FAM135B: variants seen among roughly 807,000 people sequenced by gnomAD.
The protein encoded by FAM135B is protein FAM135B.
FAM135B carries 43 observed loss-of-function variants against 127.7 expected under a neutral mutation model. That is an observed-to-expected ratio of 0.34 (90% CI 0.26 to 0.43). The LOEUF (loss-of-function observed/expected upper bound fraction) is 0.43. Ranked by LOEUF, FAM135B falls within the 20% of genes least tolerant of loss-of-function variation. The probability of loss-of-function intolerance (pLI) is 1.00; values close to 1 mark genes in which losing one functional copy is unlikely to be tolerated. For missense variants in FAM135B, 1,558 were observed against 1,725.6 expected, an observed-to-expected ratio of 0.90 and a Z score of 1.72; for synonymous variants, 670 against 665.1, an observed-to-expected ratio of 1.01 and a Z score of -0.11.
At chr8:138,401,591 A>C (rs969782134) in intron 1 of FAM135B, among the ~76,000 whole-genome samples, 1 of 152,084 alleles carries the variant, frequency 6.6e-6, no homozygotes, top group African/African-American at 2.4e-5. Flanking sequence ...TCTCATATCT[A>C]TTTTCTCAGC....
chr8:138,310,901 T>C lies in FAM135B; in HGVS notation c.97A>G (p.Thr33Ala). 1 of 1,613,420 alleles carries C rather than the reference T, an allele frequency of 6.2e-7. No homozygotes were observed. The highest frequency in any genetic ancestry group is 8.5e-7 in the Non-Finnish European group (1 of 1,179,748). Residue 33 changes from threonine to alanine, a missense_variant, in exon 3 of 20, where the codon ACC (threonine) becomes GCC (alanine). Thr to Ala is a moderately conservative substitution (Grantham distance 58). Around this residue, in one of 5 missense-constraint regions of FAM135B, gnomAD observed 199 missense variants for 245.7 expected, o/e 0.81. Coordinates refer to ENST00000395297, the MANE Select transcript of FAM135B (RefSeq NM_015912.4). ...FQRGYYQIRV[T>A]LKVSSRIPHR... The stretch of plus-strand genomic sequence containing the variant: ...GGGATCCTTGAAGACACCTTCAAGG[T>C]CACTCGGATCTGGTAATACCTAAGA...
rs775052155 is a variant in FAM135B, at chr8:138,265,687, T to C, written c.297+16A>G. The C allele has an allele frequency of 1.2e-6, 2 of 1,613,446 alleles. No individual in the cohort carries two copies. The highest frequency in any genetic ancestry group is 1.7e-5 in the Admixed American group (1 of 59,986). On this transcript the variant is annotated intron_variant, in intron 4 of 19. Transcript: ENST00000395297. ...GGGAACAGCTACTTGTGGCTGGTGG[T>C]AGATTCATGACTTACCCTTTCACCA... is the stretch of plus-strand genomic sequence containing the variant.
At chr8:138,478,670 G>A (rs1814631032) in intron 1 of FAM135B, among the ~76,000 whole-genome samples, 1 of 152,164 alleles carries the variant, frequency 6.6e-6, no homozygotes, top group Admixed American at 6.5e-5. Flanking sequence ...ATAAAATTGG[G>A]ATGGCACTAG....
chr8:138,159,708 A>T (rs1484126836), intron 12 of FAM135B, among the ~76,000 whole-genome samples: 1 of 152,154 alleles, frequency 6.6e-6, no homozygotes, highest in Non-Finnish European at 1.5e-5. Flanking sequence ...ATACATATGT[A>T]ACAAACCTGC....
intron 1 of FAM135B, among the ~76,000 whole-genome samples, chr8:138,451,333 C>A (rs1209975688): frequency 1.3e-5 from 2 of 152,128 alleles, no homozygotes; most frequent in African/African-American, 4.8e-5. Context: ...GTTGCATATG[C>A]CGTATTGTTA....
chr8:138,439,517 C>T (rs1194886375), intron 1 of FAM135B: 1 of 152,042 alleles, frequency 6.6e-6, no homozygotes, highest in Admixed American at 6.5e-5. Context: ...AGGACATTTC[C>T]TAGGGGGAGG....
chr8:138,496,787 GGACTGGGGAGTCCGCAGCA>G lies in FAM135B; in HGVS notation c.-155_-137del, dbSNP rs1283788628. 2 of 153,656 alleles carry G rather than the reference GGACTGGGGAGTCCGCAGCA, an allele frequency of 1.3e-5. No individual in the cohort carries two copies. Among genetic ancestry groups the G allele is most frequent in the African/African-American group, 2.4e-5 (1 of 41,438 alleles). The allele number at this position is 153,656 out of a possible 1,614,324, so 9.5% of individuals were successfully genotyped here. A position where few individuals can be genotyped will look rare whatever the true frequency, so the allele number is the denominator to read the frequency against. On this transcript the variant is annotated 5_prime_UTR_variant, in exon 1 of 20. Coordinates refer to ENST00000395297, the MANE Select transcript of FAM135B (RefSeq NM_015912.4). ...AGTTGCGGCGGCGGCGGCGGCGGGC[GGACTGGGGAGTCCGCAGCA>G]CCTGCGAGCTGGTGTTGGGTCCCCG...
At chr8:138,405,791 T>A (rs74862376) in intron 1 of FAM135B, among the ~76,000 whole-genome samples, 1 of 151,944 alleles carries the variant, frequency 6.6e-6, no homozygotes, top group Non-Finnish European at 1.5e-5. Flanking sequence ...ATCGCCACAC[T>A]GACTTCCACA....
chr8:138,148,738 C>G (rs773167293), intron 13 of FAM135B, 52 bp from the exon 14 acceptor site: 1 of 1,417,504 alleles, frequency 7.1e-7, no homozygotes, highest in Non-Finnish European at 9.7e-7. Context: ...TCATGTTGAA[C>G]AGGAAATGAG....
intron 2 of FAM135B, among the ~76,000 whole-genome samples, chr8:138,319,073 A>G (rs1482629702): frequency 9.3e-6 from 1 of 107,432 alleles, no homozygotes; most frequent in East Asian, 2.7e-4. Flanking sequence ...AGACTCAGTA[A>G]GTAAATCTAC....
chr8:138,178,135 C>T (rs1408246982), intron 10 of FAM135B, among the ~76,000 whole-genome samples: 3 of 151,830 alleles, frequency 2.0e-5, no homozygotes, highest in Non-Finnish European at 2.9e-5. Context: ...GTAATCCCAG[C>T]TACTCGGGAG....
intron 2 of FAM135B, among the ~76,000 whole-genome samples, chr8:138,313,387 C>T (rs899702236): frequency 6.6e-6 from 1 of 152,172 alleles, no homozygotes; most frequent in African/African-American, 2.4e-5. Flanking sequence ...CTGCCTTGGC[C>T]TCCCAAAGTG....
At chr8:138,327,761 C>T (rs1414045666) in intron 2 of FAM135B, among the ~76,000 whole-genome samples, 1 of 152,088 alleles carries the variant, frequency 6.6e-6, no homozygotes, top group Non-Finnish European at 1.5e-5. Context: ...AAATTATAAT[C>T]GTAATCATAG....
intron 17 of FAM135B, among the ~76,000 whole-genome samples, chr8:138,140,577 T>C (rs1817049309): frequency 6.6e-6 from 1 of 152,310 alleles, no homozygotes; most frequent in Middle Eastern, 3.4e-3. Context: ...CTCTTGCTGA[T>C]ATATTTAACC....
intron 2 of FAM135B, chr8:138,367,183 G>A (rs374177906): frequency 8.5e-5 from 27 of 319,524 alleles, no homozygotes; most frequent in East Asian, 2.7e-4. Flanking sequence ...ACTAATTTGC[G>A]CTGTTAATTG....
chr8:138,454,622 A>G (rs1041535736), intron 1 of FAM135B, among the ~76,000 whole-genome samples: 1 of 117,926 alleles, frequency 8.5e-6, no homozygotes, highest in Non-Finnish European at 1.9e-5. Flanking sequence ...TCCATCACTC[A>G]GGTCTTAATT....
chr8:138,239,090 A>G (rs1187534499), intron 7 of FAM135B, among the ~76,000 whole-genome samples: 1 of 152,234 alleles, frequency 6.6e-6, no homozygotes, highest in African/African-American at 2.4e-5. Context: ...TGATGTTTTT[A>G]TACATATTAA....
chr8:138,386,315 G>A (rs779486703), intron 1 of FAM135B, among the ~76,000 whole-genome samples: 5 of 152,046 alleles, frequency 3.3e-5, no homozygotes, highest in Non-Finnish European at 7.4e-5. Context: ...ATGTTTTTGT[G>A]GAAGAAAATT....
intron 1 of FAM135B, among the ~76,000 whole-genome samples, chr8:138,396,371 T>C (rs1832853443): frequency 6.6e-6 from 1 of 152,134 alleles, no homozygotes; most frequent in South Asian, 2.1e-4. Context: ...AGCTTTGTTG[T>C]AAAGCCCATA....
Sources: allele counts gnomAD v4.1 joint callset (sites outside exome capture counted in the v4.1 genomes callset), GRCh38; gene constraint gnomAD v4.1.1; regional missense constraint gnomAD v4.1.1; transcripts MANE v1.5; gene names NCBI Gene and HGNC (gene_info 2026-07-23, HGNC 2026-07-21).